The following ZNF710 variants were observed in gnomAD, a reference collection of about 807,000 sequenced individuals.
The protein encoded by ZNF710 is zinc finger protein 710.
Under a neutral mutation model 50.6 loss-of-function variants are expected in ZNF710, and 13 were observed. The observed-to-expected ratio is 0.26, with a 90% CI of 0.17 to 0.41. The LOEUF is 0.41. Among genes scored for constraint, ZNF710 ranks in the 10% least tolerant of loss-of-function variants. The pLI is 1.00. For missense variants in ZNF710, 721 were observed against 936.6 expected (o/e 0.77, Z 3.01); for synonymous variants, 383 against 397.0 (o/e 0.96, Z 0.42).
chr15:90,075,824 C>T (rs1034324747), intron 4 of ZNF710: 9 of 152,214 alleles, frequency 5.9e-5, no homozygotes, highest in African/African-American at 1.9e-4. Context: ...CCTTGCTACT[C>T]AAAATGTGGT....
chr15:90,067,110 C>A lies in ZNF710; in HGVS notation c.-28C>A, dbSNP rs948113937. 1 of 1,561,736 alleles carries A rather than the reference C, an allele frequency of 6.4e-7. No homozygotes were observed. Among genetic ancestry groups the A allele is most frequent in the Admixed American group, 1.9e-5 (1 of 53,184 alleles). On this transcript the variant is annotated splice_region_variant and 5_prime_UTR_variant, in exon 2 of 5. Coordinates refer to ENST00000268154, the MANE Select transcript of ZNF710 (RefSeq NM_198526.4). This position sits in a 1 kb window ranked among gnomAD's most constrained non-coding sequence, Gnocchi z 8.1. Reference sequence around the variant, plus strand: ...TTAACCTTCCCTTCTCCACCCACAGCGATGCCCTCCTAGCTAGCCGTCACG... The same window carrying A: ...TTAACCTTCCCTTCTCCACCCACAGAGATGCCCTCCTAGCTAGCCGTCACG...
chr15:90,060,965 C>T (rs907508254), intron 1 of ZNF710, among the ~76,000 whole-genome samples: 13 of 152,186 alleles, frequency 8.5e-5, no homozygotes, highest in African/African-American at 3.1e-4. Context: ...AACAGGCAAG[C>T]CTGCCTTCCA....
intron 1 of ZNF710, among the ~76,000 whole-genome samples, chr15:90,028,027 T>C (rs1898829807): frequency 1.3e-5 from 2 of 152,172 alleles, no homozygotes; most frequent in Admixed American, 6.5e-5. Context: ...AATTAATATT[T>C]GTTGAAGAAA....
At chr15:90,017,789 G>A (rs1347805058) in intron 1 of ZNF710, among the ~76,000 whole-genome samples, 1 of 151,968 alleles carries the variant, frequency 6.6e-6, no homozygotes, top group Non-Finnish European at 1.5e-5. Flanking sequence ...CCCAGGAAAC[G>A]GTTCCCAAAT....
intron 1 of ZNF710, among the ~76,000 whole-genome samples, chr15:90,006,274 A>G (rs1382402716): frequency 3.3e-5 from 5 of 152,200 alleles, no homozygotes; most frequent in African/African-American, 1.2e-4. Context: ...TTTTCAGGTT[A>G]AAGTTTAGTT....
chr15:90,074,417 T>C (rs1192685815), intron 4 of ZNF710, 127 bp downstream of exon 4: 4 of 1,550,522 alleles, frequency 2.6e-6, no homozygotes, highest in Non-Finnish European at 2.6e-6. Context: ...TGGGCTCAGG[T>C]CTGGAAGGGG....
At chr15:90,057,072 C>T (rs866702026) in intron 1 of ZNF710, among the ~76,000 whole-genome samples, 2 of 152,184 alleles carry the variant, frequency 1.3e-5, no homozygotes, top group Non-Finnish European at 2.9e-5. Flanking sequence ...TGGCCTCACT[C>T]TACCCCATGG....
chr15:90,047,502 C>T (rs770930951), intron 1 of ZNF710, among the ~76,000 whole-genome samples: 3 of 152,116 alleles, frequency 2.0e-5, no homozygotes, highest in South Asian at 2.1e-4. Flanking sequence ...TCCATTTCTA[C>T]GCCTCACAGA....
intron 1 of ZNF710, chr15:90,025,324 C>T (rs1898744981): frequency 6.6e-6 from 1 of 152,176 alleles, no homozygotes; most frequent in African/African-American, 2.4e-5. Context: ...AAATACTGTT[C>T]TAACAGCAGA....
intron 1 of ZNF710, among the ~76,000 whole-genome samples, chr15:90,039,305 G>T (rs60302899): frequency 0.011 from 1,630 of 152,046 alleles, 25 homozygotes; most frequent in African/African-American, 0.038. Context: ...CTTCTGATGT[G>T]TACAGATGAT....
At chr15:90,055,327 T>G (rs1466754735) in intron 1 of ZNF710, among the ~76,000 whole-genome samples, 1 of 151,834 alleles carries the variant, frequency 6.6e-6, no homozygotes, top group African/African-American at 2.4e-5. Context: ...GCATTCCAGG[T>G]AGGGGAAAGC....
chr15:90,035,107 C>T (rs374749015), intron 1 of ZNF710, among the ~76,000 whole-genome samples: 5 of 152,300 alleles, frequency 3.3e-5, no homozygotes, highest in East Asian at 1.9e-4. Context: ...TGGAGGATGT[C>T]GGGGGCTGGG....
intron 1 of ZNF710, chr15:90,045,234 A>G (rs1899422929): frequency 1.7e-6 from 1 of 593,868 alleles, no homozygotes; most frequent in Non-Finnish European, 2.1e-6. Flanking sequence ...TGTGCTGTCC[A>G]TGTTTGCCAG....
intron 1 of ZNF710, among the ~76,000 whole-genome samples, chr15:90,050,910 A>G (rs556762592): frequency 1.1e-4 from 17 of 152,142 alleles, no homozygotes; most frequent in Non-Finnish European, 1.9e-4. Context: ...AGCACCCAGC[A>G]CCAGCCTGGC....
intron 1 of ZNF710, among the ~76,000 whole-genome samples, chr15:90,037,396 C>T (rs1899161560): frequency 6.6e-6 from 1 of 152,180 alleles, no homozygotes; most frequent in Admixed American, 6.5e-5. Flanking sequence ...TCCACTGGGG[C>T]TTTTCTCCAC....
At position 90,068,237 on chromosome 15, in the gene ZNF710, A is replaced by G. The variant is rs780103048; in HGVS notation, c.1100A>G (p.Lys367Arg). Reference protein sequence around the residue: ...HKAFTQTSHLKRHMLLHSEVK... With the variant: ...HKAFTQTSHLRRHMLLHSEVK... The stretch of plus-strand genomic sequence containing the variant: ...GCCTTCACGCAGACCAGCCACCTCA[A>G]GCGCCACATGCTGCTGCACTCGGAG... The change falls in exon 2 of 5, where the codon AAG (lysine) becomes AGG (arginine). Residue 367 changes from lysine (K) to arginine (R), a missense_variant. By Grantham distance (26) the Lys-to-Arg change is conservative. Around this residue, in one of 3 missense-constraint regions of ZNF710, gnomAD observed 326 missense variants for 522.0 expected, o/e 0.62. Coordinates refer to ENST00000268154, the MANE Select transcript of ZNF710 (RefSeq NM_198526.4). The surrounding 1 kb of genome is among the most constrained non-coding windows in gnomAD (Gnocchi z 5.0). 6.2e-7 allele frequency: 1 copy of G among 1,613,486 alleles called. No individual in the cohort carries two copies. The highest frequency in any genetic ancestry group is 8.5e-7 in the Non-Finnish European group (1 of 1,179,986).
At chr15:90,056,141 G>A (rs1365596647) in intron 1 of ZNF710, among the ~76,000 whole-genome samples, 1 of 150,400 alleles carries the variant, frequency 6.6e-6, no homozygotes, top group Non-Finnish European at 1.5e-5. Flanking sequence ...CAGATGCAGT[G>A]GTTCACACCT....
chr15:90,032,253 C>T (rs2151485851), intron 1 of ZNF710, among the ~76,000 whole-genome samples: 5 of 152,266 alleles, frequency 3.3e-5, no homozygotes, highest in Admixed American at 3.3e-4. Context: ...CCGCCTCGGT[C>T]TCCCAAAGTG....
At chr15:90,051,873 T>C (rs909053870) in intron 1 of ZNF710, among the ~76,000 whole-genome samples, 1 of 152,178 alleles carries the variant, frequency 6.6e-6, no homozygotes, top group African/African-American at 2.4e-5. Context: ...CCTGTCACTA[T>C]ACAGACAAGG....
Sources: gnomAD v4.1 joint callset for allele counts (sites outside exome capture counted in the v4.1 genomes callset) on GRCh38, gnomAD v4.1.1 for gene constraint, gnomAD v4.1.1 regional missense constraint, Gnocchi (gnomAD v3.1) non-coding constraint, MANE v1.5 for transcripts, NCBI Gene and HGNC (gene_info 2026-07-23, HGNC 2026-07-21) for gene names.